The following PDE8A variants were observed in gnomAD, a reference collection of about 807,000 sequenced individuals.
PDE8A encodes the protein high affinity cAMP-specific and IBMX-insensitive 3',5'-cyclic phosphodiesterase 8A.
In PDE8A, 59 loss-of-function variants were observed where a neutral mutation model predicts 105.0. The ratio of observed to expected loss-of-function variants is 0.56; its 90% CI spans 0.46 to 0.70. The LOEUF (loss-of-function observed/expected upper bound fraction) is 0.70, where lower values mean the gene tolerates loss of function less well. Among genes scored for constraint, PDE8A ranks in the 30% least tolerant of loss-of-function variants. PDE8A has a pLI of 0.00. For synonymous variants in PDE8A, 355 were observed against 371.9 expected, an observed-to-expected ratio of 0.95 and a Z score of 0.52; for missense variants, 1,014 against 1,045.9, an observed-to-expected ratio of 0.97 and a Z score of 0.42.
intron 11 of PDE8A, among the ~76,000 whole-genome samples, chr15:85,106,737 G>T (rs952745578): frequency 6.6e-5 from 10 of 152,208 alleles, no homozygotes; most frequent in African/African-American, 2.4e-4. Context: ...ACATTCATGG[G>T]AAACAGTGAG....
chr15:85,128,956 G>C (rs200857002), intron 20 of PDE8A, among the ~76,000 whole-genome samples: 1 of 152,152 alleles, frequency 6.6e-6, no homozygotes, highest in African/African-American at 2.4e-5. Context: ...CAGTCACTTT[G>C]GGAAGCAGTT....
At chr15:85,028,339 C>G (rs960293258) in intron 1 of PDE8A, among the ~76,000 whole-genome samples, 5 of 152,140 alleles carry the variant, frequency 3.3e-5, no homozygotes, top group Non-Finnish European at 7.3e-5. Flanking sequence ...CTAAGCCTCA[C>G]AAGTAGCTGG....
At chr15:85,040,951 A>G (rs926015508) in intron 1 of PDE8A, among the ~76,000 whole-genome samples, 3 of 152,196 alleles carry the variant, frequency 2.0e-5, no homozygotes, top group South Asian at 2.1e-4. Context: ...AAGATTCATC[A>G]TATTATTATC....
In PDE8A at chr15:85,060,759, AT is replaced by A. The variant is rs968440286; in HGVS notation, c.187-3601del. ...AATAATACTTCCTTTTAGACCAATG[AT>A]TTTTTTTTTCCACCAAACTGTATTC... On this transcript the variant is annotated intron_variant, in intron 1 of 21. Coordinates refer to ENST00000394553, the MANE Select transcript of PDE8A (RefSeq NM_002605.3). 2.8e-3 allele frequency among the ~76,000 whole-genome samples: 416 copies of A among 150,966 alleles called. 5 individuals are homozygous for A. The highest frequency in any genetic ancestry group is 0.018 in the Admixed American group (272 of 15,144).
chr15:85,009,019 A>G (rs1419239162), intron 1 of PDE8A, among the ~76,000 whole-genome samples: 1 of 152,084 alleles, frequency 6.6e-6, no homozygotes, highest in Admixed American at 6.6e-5. Flanking sequence ...AGTCCTGTAA[A>G]AAGAAAAAAG....
At chr15:85,118,669 A>G (rs1317205964) in intron 17 of PDE8A, among the ~76,000 whole-genome samples, 3 of 152,232 alleles carry the variant, frequency 2.0e-5, no homozygotes, top group African/African-American at 7.2e-5. Context: ...CCTTTGTCCC[A>G]GTCACAGGCC....
chr15:85,064,130 C>G (rs141447356), intron 1 of PDE8A: 5 of 442,282 alleles, frequency 1.1e-5, no homozygotes, highest in Non-Finnish European at 2.0e-5. Flanking sequence ...AAAGGCAAAG[C>G]CAGAATCACA....
At chr15:85,117,870 G>GT in intron 17 of PDE8A, 31 bp downstream of exon 17, 1 of 1,530,978 alleles carries the variant, frequency 6.5e-7, no homozygotes, top group Non-Finnish European at 9.0e-7. Flanking sequence ...CACATTTAAT[G>GT]GGCAGGAGCA....
intron 1 of PDE8A, among the ~76,000 whole-genome samples, chr15:85,044,150 T>C (rs950958601): frequency 2.6e-5 from 4 of 152,236 alleles, no homozygotes; most frequent in African/African-American, 9.7e-5. Flanking sequence ...ATTTACTCAT[T>C]GTCAGGCATT....
intron 1 of PDE8A, among the ~76,000 whole-genome samples, chr15:85,040,471 G>C (rs1289966622): frequency 1.3e-5 from 2 of 149,510 alleles, no homozygotes; most frequent in African/African-American, 4.9e-5. Context: ...TTTCCTTTCT[G>C]TCTTCTCTAG....
At chr15:85,083,913 T>G (rs112918890) in intron 6 of PDE8A, among the ~76,000 whole-genome samples, 2 of 152,160 alleles carry the variant, frequency 1.3e-5, no homozygotes, top group African/African-American at 4.8e-5. Flanking sequence ...ATATGCTGGA[T>G]TATCTGTTTT....
intron 5 of PDE8A, among the ~76,000 whole-genome samples, chr15:85,081,706 G>A (rs1306589024): frequency 6.6e-6 from 1 of 152,168 alleles, no homozygotes; most frequent in Non-Finnish European, 1.5e-5. Flanking sequence ...GGGCAGGAAA[G>A]ATGAGATGTT....
In PDE8A at chr15:84,983,091, C is replaced by T. The variant is rs566365892; in HGVS notation, c.186+743C>T. Among the ~76,000 whole-genome samples, 5 of 152,094 alleles carry T rather than the reference C, an allele frequency of 3.3e-5. No individual in the cohort carries two copies. In the South Asian group the frequency reaches 1.0e-3, roughly 32 times the overall value. On this transcript the variant is annotated intron_variant, in intron 1 of 21. Transcript: ENST00000394553. ...TCTTCTCCAGCGCATGTTGCCTTGG[C>T]TTATGTTTTGTCAAAGTTTCTGGGC... is the stretch of plus-strand genomic sequence containing the variant.
rs1173196130 is a variant in PDE8A, at chr15:85,067,158, A to G, written c.388A>G (p.Ile130Val). The G allele has an allele frequency of 6.2e-7, 1 of 1,613,944 alleles. No individual in the cohort carries two copies. The highest frequency in any genetic ancestry group is 8.5e-7 in the Non-Finnish European group (1 of 1,179,972). The change falls in exon 3 of 22, where the codon ATA becomes GTA. Residue 130 changes from isoleucine (I) to valine (V), a missense_variant. Physicochemically the swap from Ile to Val is conservative, Grantham distance 29. Transcript: ENST00000394553. ...GGACAAACATCATGACATTATCATC[A>G]TAGACCACAGAAATCCTCGACAGCT... ...FLDKHHDIII[I>V]DHRNPRQLDA...
At chr15:85,108,517 C>G (rs980957831) in intron 11 of PDE8A, among the ~76,000 whole-genome samples, 1 of 152,052 alleles carries the variant, frequency 6.6e-6, no homozygotes, top group African/African-American at 2.4e-5. Flanking sequence ...CCGTTTGAAG[C>G]CTAGGAGAGT....
At chr15:85,112,137 T>G (rs1268320391) in intron 12 of PDE8A, among the ~76,000 whole-genome samples, 1 of 152,196 alleles carries the variant, frequency 6.6e-6, no homozygotes, top group Non-Finnish European at 1.5e-5. Flanking sequence ...CTTTTTTTCT[T>G]ACCTTATTGC....
upstream of PDE8A, among the ~76,000 whole-genome samples, chr15:84,980,950 G>A (rs938353436): frequency 1.3e-5 from 2 of 152,224 alleles, no homozygotes; most frequent in African/African-American, 4.8e-5. Context: ...GCGCACGTGG[G>A]CTGCGGCTTC....
At chr15:85,085,756 T>C (rs1357855074) in intron 6 of PDE8A, among the ~76,000 whole-genome samples, 2 of 151,206 alleles carry the variant, frequency 1.3e-5, no homozygotes. Flanking sequence ...GCCTGTAATC[T>C]CTGCACTTTG....
Position 85,108,954 on chromosome 15 carries a change from T to A in PDE8A, c.1037-99T>A, listed in dbSNP as rs141113276. 52 of 776,864 alleles carry A rather than the reference T, an allele frequency of 6.7e-5. No individual in the cohort carries two copies. The East Asian group carries it at 1.2e-3, about 18-fold the overall frequency. The allele number at this position is 776,864 out of a possible 1,614,324, so 48.1% of individuals were successfully genotyped here. ...GTTTACTTTTGTGGCATTTAAAACA[T>A]TTAAAGTTGAGAGTTTTAAAAAAAT... On this transcript the variant is annotated intron_variant, in intron 11 of 21. Coordinates refer to ENST00000394553, the MANE Select transcript of PDE8A (RefSeq NM_002605.3).
Sources: gnomAD v4.1 joint callset for allele counts (sites outside exome capture counted in the v4.1 genomes callset) on GRCh38, gnomAD v4.1.1 for gene constraint, MANE v1.5 for transcripts, NCBI Gene and HGNC (gene_info 2026-07-23, HGNC 2026-07-21) for gene names.